IQGAP2: variants seen among roughly 807,000 people sequenced by gnomAD.
The protein encoded by IQGAP2 is IQ motif containing GTPase activating protein 2, also known as ras GTPase-activating-like protein IQGAP2.
IQGAP2 carries 173 observed loss-of-function variants against 201.3 expected under a neutral mutation model. The ratio of observed to expected loss-of-function variants is 0.86; its 90% CI spans 0.76 to 0.98. IQGAP2 has a LOEUF of 0.98. IQGAP2 is among the 50% of genes least tolerant of loss of function. The pLI, the probability that IQGAP2 is intolerant of heterozygous loss-of-function variation, is 0.00. For synonymous variants in IQGAP2, 675 were observed against 673.9 expected, an observed-to-expected ratio of 1.00 and a Z score of -0.03; for missense variants, 1,687 against 1,864.8, an observed-to-expected ratio of 0.90 and a Z score of 1.76.
intron 1 of IQGAP2, among the ~76,000 whole-genome samples, chr5:76,450,635 C>G (rs757135511): frequency 1.3e-5 from 2 of 152,156 alleles, no homozygotes; most frequent in Non-Finnish European, 2.9e-5. Context: ...CTGAAGAGCT[C>G]AGCATGTTTG....
intron 10 of IQGAP2, 105 bp from the exon 11 acceptor site, chr5:76,600,707 G>T: frequency 7.3e-7 from 1 of 1,372,256 alleles, no homozygotes; most frequent in Non-Finnish European, 1.0e-6. Context: ...GAGCTATCAA[G>T]TTCTTTGACT....
chr5:76,416,428 A>G (rs938528634), intron 1 of IQGAP2, among the ~76,000 whole-genome samples: 1 of 152,348 alleles, frequency 6.6e-6, no homozygotes, highest in East Asian at 1.9e-4. Flanking sequence ...CCTTAGACCA[A>G]TGAGAGACGA....
In IQGAP2 at chr5:76,668,851, A is replaced by G. The variant is rs1172090765; in HGVS notation, c.2843+7A>G. 1.9e-6 allele frequency: 3 copies of G among 1,541,586 alleles called. No individual in the cohort carries two copies. The highest frequency in any genetic ancestry group is 1.4e-5 in the African/African-American group (1 of 72,744). ...CTCTGGAGGAAGAAATAAAGTATGT[A>G]TACAAATATGTATGTAAAAATACCA... On this transcript the variant is annotated splice_region_variant and intron_variant, in intron 23 of 35. Transcript: ENST00000274364.
intron 2 of IQGAP2, among the ~76,000 whole-genome samples, chr5:76,544,332 A>G (rs1223588120): frequency 6.6e-6 from 1 of 152,206 alleles, no homozygotes; most frequent in Non-Finnish European, 1.5e-5. Flanking sequence ...GAGAGTCTAC[A>G]ATCCTCAGAG....
intron 2 of IQGAP2, among the ~76,000 whole-genome samples, chr5:76,541,530 T>A (rs1371438269): frequency 6.6e-6 from 1 of 152,192 alleles, no homozygotes. Flanking sequence ...TGCTTCTAAT[T>A]CTTTGGGGAT....
chr5:76,658,082 C>T (rs1179159779), intron 20 of IQGAP2, among the ~76,000 whole-genome samples: 3 of 152,112 alleles, frequency 2.0e-5, no homozygotes, highest in African/African-American at 7.2e-5. Flanking sequence ...TTATCTAGCT[C>T]AAGCACAAGG....
chr5:76,441,543 G>T, intron 1 of IQGAP2: 3 of 983,846 alleles, frequency 3.0e-6, no homozygotes, highest in Non-Finnish European at 3.6e-6. Context: ...CTGTAATAAT[G>T]CTACTTCTTA....
chr5:76,671,707 AAAT>A, intron 23 of IQGAP2, 49 bp from the exon 24 acceptor site: 1 of 1,311,950 alleles, frequency 7.6e-7, no homozygotes, highest in Non-Finnish European at 1.1e-6. Context: ...AAAAAAAAAA[AAAT>A]CTGTATCCAT....
At chr5:76,624,703 C>T (rs1441816245) in intron 13 of IQGAP2, among the ~76,000 whole-genome samples, 2 of 152,106 alleles carry the variant, frequency 1.3e-5, no homozygotes, top group African/African-American at 2.4e-5. Flanking sequence ...TATGTTGAAC[C>T]TGGCTGTTTA....
At chr5:76,537,122 T>C (rs1759671438) in intron 2 of IQGAP2, among the ~76,000 whole-genome samples, 1 of 152,234 alleles carries the variant, frequency 6.6e-6, no homozygotes, top group African/African-American at 2.4e-5. Context: ...AAAAAGATCT[T>C]ATGCTTACTA....
chr5:76,636,733 ATTG>A (rs1190897739), intron 15 of IQGAP2, among the ~76,000 whole-genome samples: 1 of 152,112 alleles, frequency 6.6e-6, no homozygotes, highest in East Asian at 1.9e-4. Flanking sequence ...ACTTATAATT[ATTG>A]TTTGCTTTTC....
chr5:76,495,351 A>G (rs904514018), intron 2 of IQGAP2, among the ~76,000 whole-genome samples: 1 of 152,188 alleles, frequency 6.6e-6, no homozygotes, highest in Non-Finnish European at 1.5e-5. Context: ...TAGGTAGGAC[A>G]TGGACTTATC....
intron 16 of IQGAP2, among the ~76,000 whole-genome samples, chr5:76,638,534 CA>C (rs1156729598): frequency 1.3e-5 from 2 of 151,938 alleles, no homozygotes; most frequent in African/African-American, 2.4e-5. Flanking sequence ...AAATATTCAG[CA>C]ATTTTTATAT....
At chr5:76,418,849 G>A (rs1271353663) in intron 1 of IQGAP2, among the ~76,000 whole-genome samples, 1 of 152,146 alleles carries the variant, frequency 6.6e-6, no homozygotes, top group East Asian at 1.9e-4. Flanking sequence ...TGTGGCTGGG[G>A]TCACTTAATG....
intron 2 of IQGAP2, among the ~76,000 whole-genome samples, chr5:76,528,140 C>T (rs6872396): frequency 0.48 from 73,025 of 151,958 alleles, 18,926 homozygotes; most frequent in East Asian, 0.95. Context: ...TGTTGTCAGA[C>T]ACCCTTTGTT....
chr5:76,537,087 T>C (rs889338273), intron 2 of IQGAP2, among the ~76,000 whole-genome samples: 1 of 152,230 alleles, frequency 6.6e-6, no homozygotes, highest in Admixed American at 6.5e-5. Context: ...TGAACACCTT[T>C]TAAAACACAG....
rs1049369153 is a variant in IQGAP2 at position 76,403,309 on chromosome 5, G to T, written c.-237G>T. ...GAAACCTGCTGCGGGAGGCGGCGGC[G>T]ACCGGCCAGGGAGCGAGGGAGGAGA... On this transcript the variant is annotated 5_prime_UTR_variant, in exon 1 of 36. Coordinates refer to ENST00000274364, the MANE Select transcript of IQGAP2 (RefSeq NM_006633.5). This position sits in a 1 kb window ranked among gnomAD's most constrained non-coding sequence, Gnocchi z 4.8. 2 of 357,416 alleles carry T rather than the reference G, an allele frequency of 5.6e-6. No individual in the cohort carries two copies. Among genetic ancestry groups the T allele is most frequent in the Non-Finnish European group, 1.0e-5 (2 of 200,348 alleles). The allele number at this position is 357,416 out of a possible 1,614,324, so 22.1% of individuals were successfully genotyped here.
At chr5:76,697,963 G>C (rs762513656) in intron 32 of IQGAP2, 24 bp from the exon 33 acceptor site, 1 of 1,587,034 alleles carries the variant, frequency 6.3e-7, no homozygotes, top group Non-Finnish European at 8.6e-7. Flanking sequence ...GCTTAAATAT[G>C]ATACCCCTTA....
intron 32 of IQGAP2, among the ~76,000 whole-genome samples, chr5:76,695,936 G>A (rs535988065): frequency 4.0e-4 from 57 of 142,364 alleles, no homozygotes; most frequent in South Asian, 1.5e-3. Context: ...CGCCTCCCAG[G>A]TTCAAGCGAT....
Sources: allele counts gnomAD v4.1 joint callset (sites outside exome capture counted in the v4.1 genomes callset), GRCh38; gene constraint gnomAD v4.1.1; non-coding constraint Gnocchi (gnomAD v3.1); transcripts MANE v1.5; gene names NCBI Gene and HGNC (gene_info 2026-07-23, HGNC 2026-07-21).